Variants in SHCBP1 observed in about 807,000 individuals in gnomAD.
SHCBP1 encodes the protein SHC binding and spindle associated 1.
A neutral mutation model predicts 75.1 loss-of-function variants in SHCBP1; 60 were observed. The observed-to-expected ratio is 0.80, with a 90% confidence interval of 0.65 to 0.99. SHCBP1 has a LOEUF of 0.99. Among genes scored for constraint, SHCBP1 ranks in the 50% least tolerant of loss-of-function variants. The pLI, the probability that SHCBP1 is intolerant of heterozygous loss-of-function variation, is 0.00. For missense variants in SHCBP1, 709 were observed against 809.4 expected (o/e 0.88, Z 1.50); for synonymous variants, 290 against 293.2 (o/e 0.99, Z 0.11).
At chr16:46,597,919 T>C (rs1289798419) in intron 9 of SHCBP1, among the ~76,000 whole-genome samples, 1 of 152,238 alleles carries the variant, frequency 6.6e-6, no homozygotes, top group Non-Finnish European at 1.5e-5. Context: ...CAGGAAATTC[T>C]ATCTCAGGAA....
At chr16:46,585,393 G>A (rs1166661433) in intron 10 of SHCBP1, among the ~76,000 whole-genome samples, 1 of 151,994 alleles carries the variant, frequency 6.6e-6, no homozygotes, top group East Asian at 1.9e-4. Context: ...GAAGAAGGCA[G>A]ACCAGCTAGG....
intron 10 of SHCBP1, among the ~76,000 whole-genome samples, chr16:46,585,888 C>T (rs954385149): frequency 1.3e-5 from 2 of 152,156 alleles, no homozygotes; most frequent in African/African-American, 4.8e-5. Flanking sequence ...TAAGAAGGAG[C>T]TCCCCCACCC....
intron 10 of SHCBP1, among the ~76,000 whole-genome samples, chr16:46,589,357 T>G (rs1384169405): frequency 6.6e-6 from 1 of 152,170 alleles, no homozygotes; most frequent in Non-Finnish European, 1.5e-5. Flanking sequence ...TAAAGGGTAT[T>G]GAATTAGGAA....
At chr16:46,586,205 C>T (rs755854976) in intron 10 of SHCBP1, among the ~76,000 whole-genome samples, 1 of 152,094 alleles carries the variant, frequency 6.6e-6, no homozygotes, top group African/African-American at 2.4e-5. Flanking sequence ...GATAAAAATG[C>T]TTCAATAAGC....
rs762473112 is a variant in SHCBP1 at position 46,584,048 on chromosome 16, C to G, written c.1506G>C (p.Leu502=). The part of the protein sequence containing the change: ...IEIYPGSQCT[L]SDNGIHHCKE... ...TGCAGTGATGGATCCCATTGTCACT[C>G]AGGGTGCACTGACTCCCAGGGTAGA... The change falls in exon 11 of 13, where the codon CTG becomes CTC. Residue 502 remains leucine (L), a synonymous_variant. Transcript: ENST00000303383. 2 of 1,606,474 alleles carry G rather than the reference C, an allele frequency of 1.2e-6. No individual in the cohort carries two copies. The highest frequency in any genetic ancestry group is 2.2e-5 in the East Asian group (1 of 44,832).
At chr16:46,593,791 T>C (rs1230612356) in intron 10 of SHCBP1, among the ~76,000 whole-genome samples, 1 of 152,096 alleles carries the variant, frequency 6.6e-6, no homozygotes, top group Non-Finnish European at 1.5e-5. Flanking sequence ...GAGAAATACA[T>C]TGTTTTCAAA....
At chr16:46,619,880 CA>C in intron 1 of SHCBP1, among the ~76,000 whole-genome samples, 1 of 151,954 alleles carries the variant, frequency 6.6e-6, no homozygotes, top group Non-Finnish European at 1.5e-5. Context: ...ACTAAAAATA[CA>C]AAAATTAGCT....
intron 5 of SHCBP1, among the ~76,000 whole-genome samples, chr16:46,606,120 C>A (rs752396795): frequency 4.6e-5 from 7 of 152,078 alleles, no homozygotes; most frequent in Non-Finnish European, 1.0e-4. Context: ...TAGCTTATTT[C>A]TTTTCATTTC....
At position 46,617,858 on chromosome 16, in the gene SHCBP1, A is replaced by G. The variant is rs1047677535; in HGVS notation, c.272-109T>C. ...GCAATCTGAGGGACTGAAATAGATA[A>G]TCTACTTGCAAACTAAAAAGATAAA... On this transcript the variant is annotated intron_variant, in intron 2 of 12. Transcript: ENST00000303383. 4.8e-6 allele frequency: 4 copies of G among 841,540 alleles called. No homozygotes were observed. In the African/African-American group the frequency reaches 6.8e-5, roughly 14 times the overall value. 52.1% of individuals were successfully genotyped at this position (841,540 alleles called of 1,614,324 possible). A position where few individuals can be genotyped will look rare whatever the true frequency, so the allele number is the denominator to read the frequency against.
intron 11 of SHCBP1, 32 bp from the exon 12 acceptor site, chr16:46,583,689 T>A (rs761502320): frequency 6.3e-7 from 1 of 1,582,074 alleles, no homozygotes; most frequent in Non-Finnish European, 8.5e-7. Flanking sequence ...TTTTAGGAAC[T>A]GTCATATTCA....
In SHCBP1 at chr16:46,616,085, G is replaced by T. The variant is rs1202797558; in HGVS notation, c.457C>A (p.Gln153Lys). Residue 153 changes from glutamine (Q) to lysine (K), a missense_variant, in exon 4 of 13, where the codon CAA becomes AAA. Physicochemically the swap from Gln to Lys is moderately conservative, Grantham distance 53. Coordinates refer to ENST00000303383, the MANE Select transcript of SHCBP1 (RefSeq NM_024745.5). The surrounding 1 kb of genome is among the most constrained non-coding windows in gnomAD (Gnocchi z 4.4). Reference protein sequence around the residue: ...RLAEPYLCDSQVSTFTMECMK... With the variant: ...RLAEPYLCDSKVSTFTMECMK... ...CACTCCATGGTAAAAGTGCTCACTT[G>T]AGAGTCACAGAGGTATGGTTCAGCA... 6.2e-7 allele frequency: 1 copy of T among 1,614,228 alleles called. No individual in the cohort carries two copies. Among genetic ancestry groups the T allele is most frequent in the South Asian group, 1.1e-5 (1 of 91,080 alleles).
chr16:46,612,030 C>T (rs560954722), intron 4 of SHCBP1, among the ~76,000 whole-genome samples: 2 of 152,248 alleles, frequency 1.3e-5, no homozygotes, highest in South Asian at 4.1e-4. Context: ...AGTAGATGGC[C>T]TAGGACTGAT....
chr16:46,585,474 C>T (rs1964942108), intron 10 of SHCBP1, among the ~76,000 whole-genome samples: 1 of 152,154 alleles, frequency 6.6e-6, no homozygotes, highest in African/African-American at 2.4e-5. Flanking sequence ...AATCCCTAGA[C>T]TTGGAGCTGA....
Position 46,579,380 on chromosome 16 carries a change from TTA to T in SHCBP1, c.*2347_*2348del, listed in dbSNP as rs531565440. On this transcript the variant is annotated 3_prime_UTR_variant, in exon 13 of 13. Transcript: ENST00000303383. ...AATAAGAACAAAGTAGGCCTACTCA[TTA>T]TAATGAATCATGTGAATAAAAATTA... Among the ~76,000 whole-genome samples, 134 of 151,036 alleles carry T rather than the reference TTA, an allele frequency of 8.9e-4. No individual in the cohort carries two copies. Among genetic ancestry groups the T allele is most frequent in the Non-Finnish European group, 1.7e-3 (119 of 68,032 alleles).
chr16:46,583,789 TGCACCCTTAGTGACACA>T, intron 11 of SHCBP1, 132 bp from the exon 12 acceptor site: 1 of 1,118,102 alleles, frequency 8.9e-7, no homozygotes, highest in Non-Finnish European at 1.3e-6. Context: ...TAGCACAGTC[TGCACCCTTAGTGACACA>T]GCTTTCCTCT....
At chr16:46,610,544 A>AT (rs60140518) in intron 4 of SHCBP1, among the ~76,000 whole-genome samples, 611 of 31,036 alleles carry the variant, frequency 0.02, 176 homozygotes, top group Middle Eastern at 0.062. Flanking sequence ...CATGGGGTCA[A>AT]TTTTTTTTTT....
chr16:46,581,427 A>C lies in SHCBP1; in HGVS notation c.*302T>G, dbSNP rs951173186. On this transcript the variant is annotated 3_prime_UTR_variant, in exon 13 of 13. Transcript: ENST00000303383. Reference sequence around the variant, plus strand: ...TACTTCCTCGTCTTTGAAGTGCTAAAGGTAATTACACTAAAAAGTTACTAC... The same window carrying C: ...TACTTCCTCGTCTTTGAAGTGCTAACGGTAATTACACTAAAAAGTTACTAC... The C allele has an allele frequency of 2.8e-5, 9 of 315,950 alleles. No homozygotes were observed. Among genetic ancestry groups the C allele is most frequent in the Admixed American group, 9.5e-5 (2 of 21,106 alleles). The allele number at this position is 315,950 out of a possible 1,614,324, so 19.6% of individuals were successfully genotyped here. A position where few individuals can be genotyped will look rare whatever the true frequency, so the allele number is the denominator to read the frequency against.
At position 46,603,656 on chromosome 16, in the gene SHCBP1, G is replaced by A; in HGVS notation, c.1096C>T (p.His366Tyr). ...PGEEEREIQF[H>Y]SDPLSAINAC... ...TTTATAGCAGACAATGGATCACTAT[G>A]GAACTAGAAAACAATAAGAACACAT... Residue 366 changes from histidine to tyrosine, a missense_variant, in exon 8 of 13, where the codon CAT becomes TAT. Physicochemically the swap from His to Tyr is moderately conservative, Grantham distance 83. Transcript: ENST00000303383. 6.2e-7 allele frequency: 1 copy of A among 1,614,018 alleles called. No homozygotes were observed. The highest frequency in any genetic ancestry group is 8.5e-7 in the Non-Finnish European group (1 of 1,179,980).
intron 5 of SHCBP1, 49 bp downstream of exon 5, chr16:46,608,248 G>T: frequency 7.6e-7 from 1 of 1,321,948 alleles, no homozygotes; most frequent in African/African-American, 1.4e-5. Flanking sequence ...TTAAACCATG[G>T]GTAACTATTT....
Sources: allele counts gnomAD v4.1 joint callset (sites outside exome capture counted in the v4.1 genomes callset), GRCh38; gene constraint gnomAD v4.1.1; non-coding constraint Gnocchi (gnomAD v3.1); transcripts MANE v1.5; gene names NCBI Gene and HGNC (gene_info 2026-07-23, HGNC 2026-07-21).